DMD: variants seen among roughly 807,000 people sequenced by gnomAD.
DMD encodes the protein dystrophin.
In DMD, 63 loss-of-function variants were observed where a neutral mutation model predicts 330.1. The observed-to-expected ratio is 0.19, with a 90% confidence interval of 0.16 to 0.24. The LOEUF is 0.24. Ranked by LOEUF, DMD falls within the 10% of genes least tolerant of loss-of-function variation. The pLI is 1.00. For missense variants in DMD, 3,344 were observed against 2,684.1 expected, an observed-to-expected ratio of 1.25 and a Z score of -5.43; for synonymous variants, 1,223 against 959.8, an observed-to-expected ratio of 1.27 and a Z score of -5.07.
intron 1 of DMD, among the ~76,000 whole-genome samples, chrX:33,277,984 A>T (rs2053263325): frequency 9.1e-6 from 1 of 110,413 alleles, no homozygotes; most frequent in Non-Finnish European, 1.9e-5. Context: ...GTGTGCCTGT[A>T]GTCCCAGCTA....
intron 1 of DMD, among the ~76,000 whole-genome samples, chrX:33,058,794 T>C (rs2094548461): frequency 8.9e-6 from 1 of 111,871 alleles, no homozygotes. Flanking sequence ...TTCGGATGCA[T>C]ATATAGGGGT....
chrX:32,200,211 G>A (rs1349366603), intron 44 of DMD, among the ~76,000 whole-genome samples: 1 of 110,365 alleles, frequency 9.1e-6, no homozygotes, highest in Non-Finnish European at 1.9e-5. Flanking sequence ...TTTTTCCTCC[G>A]CTCCCTGCTC....
intron 60 of DMD, among the ~76,000 whole-genome samples, chrX:31,374,041 C>T (rs1475793975): frequency 4.9e-5 from 5 of 102,764 alleles, no homozygotes; most frequent in African/African-American, 7.3e-5. Flanking sequence ...CAAAAGAAGA[C>T]ATTTATGCAG....
intron 2 of DMD, among the ~76,000 whole-genome samples, chrX:32,872,217 C>A (rs2083054188): frequency 9.0e-6 from 1 of 111,198 alleles, no homozygotes; most frequent in Admixed American, 9.6e-5. Context: ...CCATCATGAC[C>A]AACTACCATT....
At chrX:31,158,515 T>C (rs1478445280) in intron 74 of DMD, among the ~76,000 whole-genome samples, 1 of 110,882 alleles carries the variant, frequency 9.0e-6, no homozygotes, top group Non-Finnish European at 1.9e-5. Flanking sequence ...TGGGGGGTGA[T>C]AAAAATGTTC....
chrX:31,909,165 GTT>G lies in DMD; in HGVS notation c.6912+20429_6912+20430del, dbSNP rs1185267796. Among the ~76,000 whole-genome samples the G allele has an allele frequency of 3.6e-5, 4 of 112,208 alleles. No individual in the cohort carries two copies. In the East Asian group the frequency reaches 1.1e-3, roughly 32 times the overall value. ...ATCTATCTATTCTGTCTACCTGTCT[GTT>G]TATCAGTCAATCATCTTTCACCCTT... On this transcript the variant is annotated intron_variant, in intron 47 of 78. Coordinates refer to ENST00000357033, the MANE Select transcript of DMD (RefSeq NM_004006.3).
chrX:32,336,044 G>GT (rs1198764950), intron 41 of DMD, among the ~76,000 whole-genome samples: 1 of 97,862 alleles, frequency 1.0e-5, no homozygotes, highest in African/African-American at 4.2e-5. Context: ...TATATAACGT[G>GT]TATATATAAC....
intron 2 of DMD, among the ~76,000 whole-genome samples, chrX:32,884,251 G>A (rs1019772058): frequency 2.9e-4 from 32 of 111,652 alleles, no homozygotes; most frequent in African/African-American, 1.0e-3. Flanking sequence ...AGGGAATACA[G>A]CAGGCCCAGT....
At chrX:31,358,886 C>T (rs1201635441) in intron 60 of DMD, among the ~76,000 whole-genome samples, 3 of 112,009 alleles carry the variant, frequency 2.7e-5, no homozygotes, top group African/African-American at 9.7e-5. Context: ...GTTTGAGGGC[C>T]TTCTCAGTTC....
At position 32,768,195 on chromosome X, in the gene DMD, C is replaced by T. The variant is rs779480083; in HGVS notation, c.649+41298G>A. Among the ~76,000 whole-genome samples the T allele has an allele frequency of 2.7e-5, 3 of 111,931 alleles. No homozygotes were observed. In the South Asian group the frequency reaches 1.1e-3, roughly 42 times the overall value. The stretch of plus-strand genomic sequence containing the variant: ...AAAAATGAATATGCTATCTTGCAAA[C>T]ACTGTCTACTATGGCAGACACTAAG... On this transcript the variant is annotated intron_variant, in intron 7 of 78. Coordinates refer to ENST00000357033, the MANE Select transcript of DMD (RefSeq NM_004006.3).
At chrX:32,655,794 A>C (rs2060524192) in intron 9 of DMD, among the ~76,000 whole-genome samples, 1 of 111,103 alleles carries the variant, frequency 9.0e-6, no homozygotes, top group Non-Finnish European at 1.9e-5. Context: ...GTAGGTCTAT[A>C]AGGACTTGCT....
intron 61 of DMD, among the ~76,000 whole-genome samples, chrX:31,343,940 T>TA (rs2057923578): frequency 9.2e-6 from 1 of 109,099 alleles, no homozygotes; most frequent in Non-Finnish European, 1.9e-5. Context: ...TAGTAGCAAA[T>TA]ACGTGACTTC....
At chrX:33,175,191 A>AC (rs2049584096) in intron 1 of DMD, among the ~76,000 whole-genome samples, 1 of 112,545 alleles carries the variant, frequency 8.9e-6, no homozygotes, top group Non-Finnish European at 1.9e-5. Context: ...AGAGACTGAC[A>AC]TAAAATTGTA....
At chrX:31,525,589 C>T (rs776775927) in intron 55 of DMD, among the ~76,000 whole-genome samples, 1 of 111,945 alleles carries the variant, frequency 8.9e-6, no homozygotes, top group East Asian at 2.8e-4. Context: ...CAAATAGTTA[C>T]TGTGCTTTCA....
intron 49 of DMD, among the ~76,000 whole-genome samples, chrX:31,835,374 T>G (rs2093172895): frequency 1.8e-5 from 2 of 111,957 alleles, no homozygotes; most frequent in African/African-American, 6.5e-5. Context: ...GTCACCATAT[T>G]AACTGCTCTG....
chrX:31,914,441 T>G (rs1456498922), intron 47 of DMD, among the ~76,000 whole-genome samples: 1 of 112,083 alleles, frequency 8.9e-6, no homozygotes, highest in African/African-American at 3.2e-5. Flanking sequence ...CCATGTTTAT[T>G]GCAGCTCTAT....
chrX:32,929,719 C>G (rs1389830026), intron 2 of DMD, among the ~76,000 whole-genome samples: 2 of 110,620 alleles, frequency 1.8e-5, no homozygotes, highest in African/African-American at 3.3e-5. Context: ...CTTTGCCCCC[C>G]ACCCCCTGAC....
At chrX:32,222,051 T>C (rs1051312040) in intron 43 of DMD, among the ~76,000 whole-genome samples, 12 of 112,019 alleles carry the variant, frequency 1.1e-4, no homozygotes, top group African/African-American at 3.6e-4. Flanking sequence ...TATAAACATA[T>C]GCGTGCAAGT....
At position 31,438,575 on chromosome X, in the gene DMD, G is replaced by A. The variant is rs1039027737; in HGVS notation, c.9084+5906C>T. On this transcript the variant is annotated intron_variant, in intron 60 of 78. Coordinates refer to ENST00000357033, the MANE Select transcript of DMD (RefSeq NM_004006.3). The stretch of plus-strand genomic sequence containing the variant: ...TTATCATTTTCTCCTGAGTTCTGTG[G>A]TAGAACCACAAGCTGAATCATTTTA... Among the ~76,000 whole-genome samples the A allele has an allele frequency of 2.7e-5, 3 of 111,682 alleles. No individual in the cohort carries two copies. The Admixed American group carries it at 2.9e-4, about 11-fold the overall frequency.
Sources: allele counts gnomAD v4.1 joint callset (sites outside exome capture counted in the v4.1 genomes callset), GRCh38; gene constraint gnomAD v4.1.1; transcripts MANE v1.5; gene names NCBI Gene and HGNC (gene_info 2026-07-23, HGNC 2026-07-21).